The following NR2F1-AS1 variants were observed in gnomAD, a reference collection of about 807,000 sequenced individuals.
NR2F1-AS1 encodes NR2F1 regulatory antisense RNA 1.
intron 4 of NR2F1-AS1, among the ~76,000 whole-genome samples, chr5:93,462,099 T>C (rs925738891): frequency 7.2e-5 from 11 of 152,128 alleles, no homozygotes; most frequent in East Asian, 1.9e-4. Flanking sequence ...ATGTGAAAAA[T>C]TGTATTTTCT....
At chr5:93,527,945 T>C (rs964296612) in intron 4 of NR2F1-AS1, among the ~76,000 whole-genome samples, 5 of 152,130 alleles carry the variant, frequency 3.3e-5, no homozygotes, top group African/African-American at 1.2e-4. Flanking sequence ...GGGCAAAGAC[T>C]TCACGACTAA....
upstream of NR2F1-AS1, among the ~76,000 whole-genome samples, chr5:93,581,853 CCTCTCTCTCTCTCTCCTCTCTCCT>C (rs1407072734): frequency 2.5e-5 from 1 of 39,888 alleles, no homozygotes; most frequent in African/African-American, 6.1e-5. Context: ...CTCTCTCTCT[CCTCTCTCTCTCTCTCCTCTCTCCT>C]CTCTCTCTCG....
intron 4 of NR2F1-AS1, among the ~76,000 whole-genome samples, chr5:93,521,077 C>T (rs1751491929): frequency 6.6e-6 from 1 of 152,048 alleles, no homozygotes; most frequent in African/African-American, 2.4e-5. Context: ...CACCTATGAC[C>T]ATCTGATATT....
chr5:93,557,110 C>A (rs1459786350), intron 2 of NR2F1-AS1, among the ~76,000 whole-genome samples: 2 of 152,080 alleles, frequency 1.3e-5, no homozygotes, highest in Non-Finnish European at 2.9e-5. Context: ...TTTATACAGA[C>A]AGCATCACAT....
chr5:93,559,483 A>C (rs1359475289), intron 2 of NR2F1-AS1, among the ~76,000 whole-genome samples: 1 of 152,188 alleles, frequency 6.6e-6, no homozygotes, highest in Non-Finnish European at 1.5e-5. Context: ...AATTTCCTTC[A>C]AAAACTTCCT....
At chr5:93,434,986 T>A (rs1029862674) in intron 4 of NR2F1-AS1, among the ~76,000 whole-genome samples, 1 of 152,246 alleles carries the variant, frequency 6.6e-6, no homozygotes, top group Non-Finnish European at 1.5e-5. Flanking sequence ...GGTATCTACC[T>A]GGTTACTCCA....
chr5:93,462,109 T>C (rs1750107910), intron 4 of NR2F1-AS1, among the ~76,000 whole-genome samples: 1 of 152,258 alleles, frequency 6.6e-6, no homozygotes, highest in African/African-American at 2.4e-5. Context: ...TTGTATTTTC[T>C]AATTTTTCTA....
At chr5:93,523,470 G>A (rs868847518) in intron 4 of NR2F1-AS1, among the ~76,000 whole-genome samples, 5 of 152,142 alleles carry the variant, frequency 3.3e-5, no homozygotes, top group Admixed American at 2.0e-4. Flanking sequence ...AGAGAGCAGC[G>A]GATCTCCCAG....
At chr5:93,516,885 C>T (rs1580294958) in intron 4 of NR2F1-AS1, among the ~76,000 whole-genome samples, 1 of 151,906 alleles carries the variant, frequency 6.6e-6, no homozygotes, top group Non-Finnish European at 1.5e-5. Context: ...TATTACATTT[C>T]TTCTTCCACC....
chr5:93,542,252 T>C (rs1020205026), intron 4 of NR2F1-AS1: 3 of 151,964 alleles, frequency 2.0e-5, no homozygotes, highest in East Asian at 1.9e-4. Flanking sequence ...ATAAAACCTG[T>C]GAAAGTATGA....
At chr5:93,535,549 C>CA (rs1751821467) in intron 4 of NR2F1-AS1, among the ~76,000 whole-genome samples, 2 of 151,586 alleles carry the variant, frequency 1.3e-5, no homozygotes, top group Non-Finnish European at 2.9e-5. Context: ...GAGAACACAA[C>CA]AAAAAAAGAA....
At chr5:93,546,567 CT>C (rs1752093052) in intron 4 of NR2F1-AS1, among the ~76,000 whole-genome samples, 1 of 152,102 alleles carries the variant, frequency 6.6e-6, no homozygotes, top group African/African-American at 2.4e-5. Flanking sequence ...TCCATAAGTG[CT>C]TTTGCATGTC....
At position 93,576,462 on chromosome 5, in the gene NR2F1-AS1, ACCT is replaced by A. The variant is rs1380633483; in HGVS notation, n.313+4002_313+4004del. On this transcript the variant is annotated intron_variant and non_coding_transcript_variant, in intron 1 of 5. Transcript: ENST00000660523. ...TTTTTTTCATTTAAACTTTAGCTAA[ACCT>A]CCTCTCTCCTCAACGATGGAGGACA... Among the ~76,000 whole-genome samples, 8 of 150,816 alleles carry A rather than the reference ACCT, an allele frequency of 5.3e-5. No homozygotes were observed. In the South Asian group the frequency reaches 1.3e-3, roughly 24 times the overall value.
At chr5:93,471,565 A>C (rs1460141189) in intron 4 of NR2F1-AS1, among the ~76,000 whole-genome samples, 1 of 151,880 alleles carries the variant, frequency 6.6e-6, no homozygotes, top group East Asian at 1.9e-4. Context: ...TTCTGTAGTA[A>C]TTACACCTTT....
chr5:93,554,649 A>C (rs966659875), intron 3 of NR2F1-AS1, among the ~76,000 whole-genome samples: 3 of 152,212 alleles, frequency 2.0e-5, no homozygotes, highest in Non-Finnish European at 4.4e-5. Context: ...CAAAATCACA[A>C]TGTTAAGTGC....
chr5:93,447,322 T>A (rs1429952457), intron 4 of NR2F1-AS1, among the ~76,000 whole-genome samples: 1 of 151,966 alleles, frequency 6.6e-6, no homozygotes, highest in Admixed American at 6.6e-5. Context: ...AGGGCTAATA[T>A]CCAGAATCTA....
chr5:93,465,349 A>G (rs1282322286), intron 4 of NR2F1-AS1, among the ~76,000 whole-genome samples: 1 of 152,266 alleles, frequency 6.6e-6, no homozygotes, highest in East Asian at 1.9e-4. Context: ...TGGTCATCAA[A>G]GAAATGCAAA....
intron 4 of NR2F1-AS1, among the ~76,000 whole-genome samples, chr5:93,469,844 T>C (rs977734309): frequency 2.0e-5 from 3 of 152,048 alleles, no homozygotes; most frequent in Non-Finnish European, 2.9e-5. Flanking sequence ...AGGGTGACTA[T>C]AGATATTTGA....
intron 4 of NR2F1-AS1, among the ~76,000 whole-genome samples, chr5:93,491,654 G>A (rs909208400): frequency 6.6e-6 from 1 of 152,080 alleles, no homozygotes; most frequent in Non-Finnish European, 1.5e-5. Flanking sequence ...TACTAAAGAC[G>A]CAAATTGAAG....
Sources: gnomAD v4.1 joint callset for allele counts (sites outside exome capture counted in the v4.1 genomes callset) on GRCh38, gnomAD v4.1.1 for gene constraint, MANE v1.5 for transcripts, NCBI Gene and HGNC (gene_info 2026-07-23, HGNC 2026-07-21) for gene names.